Variants in SUSD5 observed in about 807,000 individuals in gnomAD.
The protein encoded by SUSD5 is sushi domain-containing protein 5.
A neutral mutation model predicts 29.5 loss-of-function variants in SUSD5; 33 were observed. That is an observed-to-expected ratio of 1.12 (90% CI 0.85 to 1.49). The LOEUF is 1.49. SUSD5 is among the 40% of genes most tolerant of loss of function. SUSD5 has a pLI of 0.00. For synonymous variants in SUSD5, 308 were observed against 325.3 expected (o/e 0.95, Z 0.57); for missense variants, 776 against 800.6 (o/e 0.97, Z 0.37).
At chr3:33,176,230 A>G (rs112409493) in intron 3 of SUSD5, among the ~76,000 whole-genome samples, 74 of 152,220 alleles carry the variant, frequency 4.9e-4, no homozygotes, top group African/African-American at 1.7e-3. Flanking sequence ...ATCACAGTTT[A>G]TTTATCTATT....
chr3:33,209,724 T>C (rs2032288410), intron 2 of SUSD5, among the ~76,000 whole-genome samples: 1 of 151,900 alleles, frequency 6.6e-6, no homozygotes, highest in African/African-American at 2.4e-5. Flanking sequence ...TAGACTGTAT[T>C]TAAACTTTGA....
At chr3:33,192,079 ATTT>A (rs200854031) in intron 3 of SUSD5, among the ~76,000 whole-genome samples, 1 of 145,878 alleles carries the variant, frequency 6.9e-6, no homozygotes, top group African/African-American at 2.5e-5. Flanking sequence ...TAATGCGCAT[ATTT>A]TTTTTTTTTG....
chr3:33,184,360 C>T (rs1421749495), intron 3 of SUSD5, among the ~76,000 whole-genome samples: 1 of 152,026 alleles, frequency 6.6e-6, no homozygotes, highest in Non-Finnish European at 1.5e-5. Flanking sequence ...TTAAATTTAT[C>T]TTTAAATTTT....
chr3:33,182,227 G>A (rs1441346494), intron 3 of SUSD5, among the ~76,000 whole-genome samples: 1 of 152,078 alleles, frequency 6.6e-6, no homozygotes, highest in Non-Finnish European at 1.5e-5. Context: ...AAGGACTTTG[G>A]GATTTTCCAG....
At chr3:33,193,148 G>A (rs532627364) in intron 3 of SUSD5, among the ~76,000 whole-genome samples, 1 of 152,320 alleles carries the variant, frequency 6.6e-6, no homozygotes, top group East Asian at 1.9e-4. Context: ...AGTTCATGAA[G>A]GGCCTCATAA....
chr3:33,200,725 T>C (rs147495484), intron 3 of SUSD5, among the ~76,000 whole-genome samples: 1 of 152,308 alleles, frequency 6.6e-6, no homozygotes, highest in African/African-American at 2.4e-5. Context: ...ATAAAGGCCA[T>C]TTTGATGAGG....
rs368720528 is a variant in SUSD5, at chr3:33,213,994, C to T, written c.224G>A (p.Arg75Gln). 1.6e-4 allele frequency: 259 copies of T among 1,613,804 alleles called. No homozygotes were observed. The highest frequency in any genetic ancestry group is 1.0e-3 in the Middle Eastern group (6 of 6,028). ...AAAGGAGCAATCCTGTACCACTCTCCGCAGCTCGTCTGCAGATGCCAGGTG... is the reference window on the plus strand; with the variant it reads ...AAAGGAGCAATCCTGTACCACTCTCTGCAGCTCGTCTGCAGATGCCAGGTG... ...GAHLASADEL[R>Q]RVVQDCSFAV... The change falls in exon 2 of 5, where the codon CGG becomes CAG. Residue 75 changes from arginine (R) to glutamine (Q), a missense_variant. Physicochemically the swap from Arg to Gln is conservative, Grantham distance 43. Coordinates refer to ENST00000309558, the MANE Select transcript of SUSD5 (RefSeq NM_015551.2).
intron 3 of SUSD5, among the ~76,000 whole-genome samples, chr3:33,201,079 A>G (rs1044717326): frequency 3.9e-5 from 6 of 152,240 alleles, no homozygotes; most frequent in Non-Finnish European, 8.8e-5. Context: ...AGAACAGCAT[A>G]AAGGCCCTTT....
chr3:33,167,814 T>C lies in SUSD5; in HGVS notation c.598+7072A>G, dbSNP rs2031335851. 6.6e-6 allele frequency among the ~76,000 whole-genome samples: 1 copy of C among 152,220 alleles called. No homozygotes were observed. The highest frequency in any genetic ancestry group is 6.5e-5 in the Admixed American group (1 of 15,282). ...CCCAGCTCTCTGCCTGTGGAGGTAC[T>C]GTATCTCTCACCTCCCCTCTGCTTT... On this transcript the variant is annotated intron_variant, in intron 4 of 4. Transcript: ENST00000309558. The surrounding 1 kb of genome is among the most constrained non-coding windows in gnomAD (Gnocchi z 4.1).
chr3:33,210,138 G>T (rs763864020), intron 2 of SUSD5, among the ~76,000 whole-genome samples: 2 of 152,106 alleles, frequency 1.3e-5, no homozygotes, highest in African/African-American at 2.4e-5. Context: ...GAAATTAATT[G>T]AGGTCTAGGA....
In SUSD5 at chr3:33,153,498, C is replaced by A. The variant is rs6810039; in HGVS notation, c.1134G>T (p.Glu378Asp). 727,129 of 1,613,584 alleles carry A rather than the reference C, an allele frequency of 0.45. 175,485 individuals are homozygous for A. The highest frequency in any genetic ancestry group is 0.87 in the East Asian group (39,195 of 44,824). ...CTGCCTCTGTCTTCCTCCAAGCCCC[C>A]TCTGTCACAGGGTAGCCATCTAACC... Reference protein sequence around the residue: ...ESWLDGYPVTEGAWRKTEAEE... With the variant: ...ESWLDGYPVTDGAWRKTEAEE... Residue 378 changes from glutamate (E) to aspartate (D), a missense_variant, in exon 5 of 5, where the codon GAG becomes GAT. Physicochemically the swap from Glu to Asp is conservative, Grantham distance 45. Coordinates refer to ENST00000309558, the MANE Select transcript of SUSD5 (RefSeq NM_015551.2).
Position 33,150,138 on chromosome 3 carries a change from T to C in SUSD5, c.*2604A>G, listed in dbSNP as rs529378561. ...CATGAGCATTAAACATTCACCATTC[T>C]CAAAACATGCATGACATACAATTTA... On this transcript the variant is annotated 3_prime_UTR_variant, in exon 5 of 5. Coordinates refer to ENST00000309558, the MANE Select transcript of SUSD5 (RefSeq NM_015551.2). 2.6e-5 allele frequency: 4 copies of C among 152,302 alleles called. No individual in the cohort carries two copies. The South Asian group carries it at 8.3e-4, about 32-fold the overall frequency. 9.4% of individuals were successfully genotyped at this position (152,302 alleles called of 1,614,324 possible). A position where few individuals can be genotyped will look rare whatever the true frequency, so the allele number is the denominator to read the frequency against.
At chr3:33,162,050 T>C (rs79089536) in intron 4 of SUSD5, among the ~76,000 whole-genome samples, 5,458 of 152,232 alleles carry the variant, frequency 0.036, 126 homozygotes, top group Non-Finnish European at 0.054. Flanking sequence ...CATAGAATAA[T>C]TTTTACAAAA....
In SUSD5 at chr3:33,153,972, G is replaced by T. The variant is rs771337521; in HGVS notation, c.660C>A (p.Phe220Leu). 6.2e-7 allele frequency: 1 copy of T among 1,613,494 alleles called. No homozygotes were observed. Among genetic ancestry groups the T allele is most frequent in the Non-Finnish European group, 8.5e-7 (1 of 1,179,746 alleles). ...TCCGGGAATCCTCCATGAGCTCTCT[G>T]AATGACACAGATCTGTCATCAGGGA... Reference protein sequence around the residue: ...DNFPDDRSVSFRELMEDSRTE... With the variant: ...DNFPDDRSVSLRELMEDSRTE... The change falls in exon 5 of 5, where the codon TTC becomes TTA. Residue 220 changes from phenylalanine to leucine, a missense_variant. By Grantham distance (22) the Phe-to-Leu change is conservative (BLOSUM62 0). Coordinates refer to ENST00000309558, the MANE Select transcript of SUSD5 (RefSeq NM_015551.2).
Position 33,152,920 on chromosome 3 carries a change from C to G in SUSD5, c.1712G>C (p.Ser571Thr). ...SCVGDGCPGL[S>T]RGPVIATIVT... ...AATGGTGGCGATCACAGGGCCTCTGCTGAGGCCAGGACATCCGTCCCCCAC... is the reference window on the plus strand; with the variant it reads ...AATGGTGGCGATCACAGGGCCTCTGGTGAGGCCAGGACATCCGTCCCCCAC... The change falls in exon 5 of 5, where the codon AGC (serine) becomes ACC (threonine). Residue 571 changes from serine (S) to threonine (T), a missense_variant. Physicochemically the swap from Ser to Thr is moderately conservative, Grantham distance 58. Transcript: ENST00000309558. The G allele has an allele frequency of 6.2e-7, 1 of 1,614,010 alleles. No homozygotes were observed. The highest frequency in any genetic ancestry group is 8.5e-7 in the Non-Finnish European group (1 of 1,179,882).
chr3:33,218,601 C>A, intron 1 of SUSD5, 85 bp downstream of exon 1: 1 of 1,161,826 alleles, frequency 8.6e-7, no homozygotes, highest in South Asian at 3.2e-5. Flanking sequence ...CCGGGCCGGT[C>A]AGAGGGAGCA....
At chr3:33,175,520 C>T (rs768829723) in intron 3 of SUSD5, among the ~76,000 whole-genome samples, 5 of 151,440 alleles carry the variant, frequency 3.3e-5, no homozygotes, top group East Asian at 1.9e-4. Flanking sequence ...ACAGCAACAC[C>T]GTTATCAGTT....
chr3:33,164,299 A>G (rs1429397830), intron 4 of SUSD5, among the ~76,000 whole-genome samples: 1 of 152,216 alleles, frequency 6.6e-6, no homozygotes, highest in African/African-American at 2.4e-5. Context: ...CATTTATAGA[A>G]ACAGAAAGTA....
At chr3:33,162,427 G>C (rs1343842655) in intron 4 of SUSD5, among the ~76,000 whole-genome samples, 1 of 152,002 alleles carries the variant, frequency 6.6e-6, no homozygotes, top group Non-Finnish European at 1.5e-5. Flanking sequence ...AGAAGAAGGA[G>C]ATTTTTAAAA....
Sources: allele counts gnomAD v4.1 joint callset (sites outside exome capture counted in the v4.1 genomes callset), GRCh38; gene constraint gnomAD v4.1.1; non-coding constraint Gnocchi (gnomAD v3.1); transcripts MANE v1.5; gene names NCBI Gene and HGNC (gene_info 2026-07-23, HGNC 2026-07-21).